The following HERC3 variants were observed in gnomAD, a reference collection of about 807,000 sequenced individuals.
HERC3 encodes HECT and RLD domain containing E3 ubiquitin protein ligase 3, also known as probable E3 ubiquitin-protein ligase HERC3.
A neutral mutation model predicts 129.9 loss-of-function variants in HERC3; 58 were observed. The observed-to-expected ratio is 0.45, with a 90% CI of 0.36 to 0.56. HERC3 has a LOEUF of 0.56. Ranked by LOEUF, HERC3 falls within the 20% of genes least tolerant of loss-of-function variation. HERC3 has a pLI of 0.00. For missense variants in HERC3, 835 were observed against 1,244.2 expected (o/e 0.67, Z 4.95); for synonymous variants, 430 against 451.0 (o/e 0.95, Z 0.59).
the HERC3 span, among the ~76,000 whole-genome samples, chr4:88,544,354 C>G: frequency 3.9e-5 from 6 of 152,136 alleles, no homozygotes; most frequent in African/African-American, 1.4e-4. Flanking sequence ...AAATGCAAAT[C>G]AAAACCACAA....
At chr4:88,555,159 T>C in the HERC3 span, among the ~76,000 whole-genome samples, 1 of 151,890 alleles carries the variant, frequency 6.6e-6, no homozygotes, top group East Asian at 1.9e-4. Flanking sequence ...TGGTGGTGCC[T>C]GTAGTCCCAG....
intron 12 of HERC3, among the ~76,000 whole-genome samples, chr4:88,666,039 C>T (rs1253194305): frequency 1.3e-5 from 2 of 152,142 alleles, no homozygotes; most frequent in Non-Finnish European, 2.9e-5. Flanking sequence ...ATCCTTCATT[C>T]CCACCTGCCC....
the HERC3 span, among the ~76,000 whole-genome samples, chr4:88,543,730 C>A: frequency 6.6e-6 from 1 of 152,080 alleles, no homozygotes; most frequent in Non-Finnish European, 1.5e-5. Context: ...ATATATAGAC[C>A]AATGGAACAG....
intron 23 of HERC3, chr4:88,693,219 A>T (rs1000922129): frequency 6.1e-5 from 60 of 979,816 alleles, no homozygotes; most frequent in Non-Finnish European, 6.9e-5. Context: ...ACCATTTTTA[A>T]TAAGACTATA....
chr4:88,588,126 C>G (rs193278852), upstream of HERC3, among the ~76,000 whole-genome samples: 3 of 152,170 alleles, frequency 2.0e-5, no homozygotes, highest in Non-Finnish European at 4.4e-5. Flanking sequence ...GATTCTTATG[C>G]TTCATCCAAA....
At position 88,667,406 on chromosome 4, in the gene HERC3, A is replaced by G. The variant is rs747055253; in HGVS notation, c.1361A>G (p.Lys454Arg). 7 of 1,605,666 alleles carry G rather than the reference A, an allele frequency of 4.4e-6. No homozygotes were observed. Among genetic ancestry groups the G allele is most frequent in the Non-Finnish European group, 6.0e-6 (7 of 1,176,402 alleles). ...KIDEHFKTSP[K>R]IPGIDLNSTR... ...GATGAACATTTTAAAACGAGTCCCA[A>G]AATCCCTGGGATTGACCTGAACTCA... Residue 454 changes from lysine (K) to arginine (R), a missense_variant, in exon 13 of 26, where the codon AAA becomes AGA. Coordinates refer to ENST00000402738, the MANE Select transcript of HERC3 (RefSeq NM_014606.3).
chr4:88,556,300 A>C, the HERC3 span, among the ~76,000 whole-genome samples: 24 of 152,344 alleles, frequency 1.6e-4, no homozygotes, highest in Middle Eastern at 6.8e-3. Context: ...GCTGTCCAAA[A>C]GCTTTCTGCA....
rs1444303125 is a variant in HERC3, at chr4:88,669,983, A to G, written c.1757A>G (p.Tyr586Cys). The change falls in exon 15 of 26, where the codon TAT (tyrosine) becomes TGT (cysteine). Residue 586 changes from tyrosine to cysteine, a missense_variant. Transcript: ENST00000402738. ...TFLIPVLFNN[Y>C]ITAALKLLEK... ...TTAATTCCCGTACTGTTTAACAATTATATCACAGCAGCTCTCAAACTCTTG... is the reference window on the plus strand; with the variant it reads ...TTAATTCCCGTACTGTTTAACAATTGTATCACAGCAGCTCTCAAACTCTTG... 6.2e-7 allele frequency: 1 copy of G among 1,613,990 alleles called. No homozygotes were observed. The highest frequency in any genetic ancestry group is 8.5e-7 in the Non-Finnish European group (1 of 1,179,904).
chr4:88,606,552 C>T (rs192619606), intron 3 of HERC3, among the ~76,000 whole-genome samples: 195 of 152,224 alleles, frequency 1.3e-3, no homozygotes, highest in African/African-American at 4.5e-3. Context: ...ATAAGACATA[C>T]CCAAGACTGG....
chr4:88,572,407 C>T, the HERC3 span, among the ~76,000 whole-genome samples: 25,705 of 150,776 alleles, frequency 0.17, 2,391 homozygotes, highest in Admixed American at 0.26. Context: ...GCCTGGGTGA[C>T]AGAGCAAAAC....
chr4:88,557,899 G>A, the HERC3 span, among the ~76,000 whole-genome samples: 3 of 150,940 alleles, frequency 2.0e-5, no homozygotes, highest in African/African-American at 7.3e-5. Context: ...AATTTTTCTC[G>A]TCTCTACTAA....
At chr4:88,558,138 T>A in the HERC3 span, among the ~76,000 whole-genome samples, 2 of 141,416 alleles carry the variant, frequency 1.4e-5, no homozygotes, top group African/African-American at 5.1e-5. Flanking sequence ...GATCCACTAA[T>A]CCCAGTACCA....
intron 19 of HERC3, 48 bp downstream of exon 19, chr4:88,678,182 T>C: frequency 2.6e-6 from 4 of 1,522,730 alleles, no homozygotes; most frequent in Non-Finnish European, 3.6e-6. Context: ...AATTTTTCTT[T>C]GAACAGTGTT....
the HERC3 span, among the ~76,000 whole-genome samples, chr4:88,551,962 T>G: frequency 1.3e-5 from 2 of 152,002 alleles, no homozygotes; most frequent in African/African-American, 4.8e-5. Flanking sequence ...CCATAAAAAA[T>G]GATGAGTTCA....
intron 3 of HERC3, among the ~76,000 whole-genome samples, chr4:88,606,535 A>T (rs1350281709): frequency 6.6e-6 from 1 of 152,150 alleles, no homozygotes; most frequent in Non-Finnish European, 1.5e-5. Context: ...CGGTTTTCAC[A>T]CTGCTGATAA....
chr4:88,614,872 A>G (rs185187356), intron 3 of HERC3, among the ~76,000 whole-genome samples: 1 of 152,322 alleles, frequency 6.6e-6, no homozygotes, highest in East Asian at 1.9e-4. Flanking sequence ...AGAATATAAG[A>G]TATACCCAAA....
At chr4:88,661,649 T>G (rs1339446465) in intron 10 of HERC3, among the ~76,000 whole-genome samples, 1 of 152,236 alleles carries the variant, frequency 6.6e-6, no homozygotes, top group Non-Finnish European at 1.5e-5. Flanking sequence ...AGGAAAGTGC[T>G]TATTATGTTT....
the HERC3 span, among the ~76,000 whole-genome samples, chr4:88,549,237 GGTGA>G: frequency 1.3e-5 from 2 of 151,664 alleles, no homozygotes; most frequent in Non-Finnish European, 2.9e-5. Flanking sequence ...TTTTTGGGGG[GGTGA>G]GTGTTTAATT....
At chr4:88,691,378 G>A (rs1734057582) in intron 23 of HERC3, among the ~76,000 whole-genome samples, 1 of 152,168 alleles carries the variant, frequency 6.6e-6, no homozygotes. Flanking sequence ...AAAAAAGTAC[G>A]ATAAACTGGA....
Sources: allele counts gnomAD v4.1 joint callset (sites outside exome capture counted in the v4.1 genomes callset), GRCh38; gene constraint gnomAD v4.1.1; transcripts MANE v1.5; gene names NCBI Gene and HGNC (gene_info 2026-07-23, HGNC 2026-07-21).